TBC1D8: variants seen among roughly 807,000 people sequenced by gnomAD.
The protein encoded by TBC1D8 is BUB2-like protein 1.
TBC1D8 carries 65 observed loss-of-function variants against 118.8 expected under a neutral mutation model. The ratio of observed to expected loss-of-function variants is 0.55; its 90% CI spans 0.45 to 0.67. The LOEUF is 0.67. Ranked by LOEUF, TBC1D8 falls within the 30% of genes least tolerant of loss-of-function variation. The pLI, the probability that TBC1D8 is intolerant of heterozygous loss-of-function variation, is 0.00. For missense variants in TBC1D8, 1,376 were observed against 1,471.2 expected (o/e 0.94, Z 1.06); for synonymous variants, 566 against 595.8 (o/e 0.95, Z 0.73).
chr2:101,055,700 A>G lies in TBC1D8; in HGVS notation c.403-1364T>C, dbSNP rs571703559. Among the ~76,000 whole-genome samples, 4 of 152,324 alleles carry G rather than the reference A, an allele frequency of 2.6e-5. No homozygotes were observed. The South Asian group carries it at 8.3e-4, about 32-fold the overall frequency. On this transcript the variant is annotated intron_variant, in intron 3 of 19. Transcript: ENST00000409318. ...TCCTAATTGACAACTCATTGCTAAC[A>G]TCAGAAATCTGATTTCCCATCCCTG...
At chr2:101,036,218 C>A (rs1428292352) in intron 8 of TBC1D8, 50 bp from the exon 9 acceptor site, 1 of 1,589,598 alleles carries the variant, frequency 6.3e-7, no homozygotes, top group Admixed American at 1.7e-5. Flanking sequence ...CCTCACCACC[C>A]CCCACCCACC....
chr2:101,035,351 C>G (rs998655915), intron 9 of TBC1D8, among the ~76,000 whole-genome samples: 2 of 152,138 alleles, frequency 1.3e-5, no homozygotes, highest in African/African-American at 4.8e-5. Context: ...TATGGAGGGA[C>G]AGACAAATGC....
chr2:101,033,780 TC>T (rs765765084), intron 9 of TBC1D8, 22 bp from the exon 10 acceptor site: 19 of 1,604,992 alleles, frequency 1.2e-5, no homozygotes, highest in Non-Finnish European at 1.6e-5. Context: ...AAGCAATGTT[TC>T]AAGGGGGAAT....
intron 8 of TBC1D8, among the ~76,000 whole-genome samples, chr2:101,036,457 T>C (rs1681018865): frequency 6.8e-6 from 1 of 147,884 alleles, no homozygotes; most frequent in African/African-American, 2.5e-5. Flanking sequence ...AACAAGGGTA[T>C]GTGAATCCAA....
chr2:101,008,222 G>C lies in TBC1D8; in HGVS notation c.3067C>G (p.Pro1023Ala), dbSNP rs747507427. 3.7e-6 allele frequency: 6 copies of C among 1,601,006 alleles called. No individual in the cohort carries two copies. In the South Asian group the frequency reaches 5.6e-5, roughly 15 times the overall value. The change falls in exon 20 of 20, where the codon CCA (proline) becomes GCA (alanine). Residue 1023 changes from proline (P) to alanine (A), a missense_variant. By Grantham distance (27) the Pro-to-Ala change is conservative. Coordinates refer to ENST00000409318, the MANE Select transcript of TBC1D8 (RefSeq NM_001330348.2). The stretch of plus-strand genomic sequence containing the variant: ...GCTTGATACAAATCATTTTCTTCTG[G>C]ATCTTCATGGAACATACTGTACAGA... ...KTLYSMFHED[P>A]EENDLYQAIA...
chr2:101,012,979 A>G (rs1558617899), intron 17 of TBC1D8, among the ~76,000 whole-genome samples: 1 of 152,248 alleles, frequency 6.6e-6, no homozygotes, highest in Non-Finnish European at 1.5e-5. Context: ...TGGGGCAGTC[A>G]GGATGGAAAT....
At chr2:101,017,414 TAG>T (rs1222988695) in intron 17 of TBC1D8, among the ~76,000 whole-genome samples, 1 of 152,192 alleles carries the variant, frequency 6.6e-6, no homozygotes, top group Non-Finnish European at 1.5e-5. Context: ...ACAACGGCAA[TAG>T]AGTTGTTTAC....
intron 1 of TBC1D8, among the ~76,000 whole-genome samples, chr2:101,135,581 C>T (rs984358320): frequency 1.3e-5 from 2 of 152,232 alleles, no homozygotes; most frequent in African/African-American, 2.4e-5. Flanking sequence ...GTGAATACAT[C>T]ACATTCAGCG....
intron 19 of TBC1D8, among the ~76,000 whole-genome samples, chr2:101,009,922 T>C (rs12612720): frequency 0.98 from 147,267 of 150,192 alleles, 72,220 homozygotes; most frequent in East Asian, 1. Flanking sequence ...CCCGGGTTCA[T>C]GCCATTCTCC....
chr2:101,047,581 C>A (rs1681790533), intron 5 of TBC1D8, among the ~76,000 whole-genome samples: 1 of 152,152 alleles, frequency 6.6e-6, no homozygotes, highest in Non-Finnish European at 1.5e-5. Context: ...TGAGAACTGG[C>A]CAGGAATTGG....
intron 1 of TBC1D8, among the ~76,000 whole-genome samples, chr2:101,095,395 C>T (rs1401613169): frequency 2.3e-5 from 3 of 132,406 alleles, no homozygotes; most frequent in Non-Finnish European, 4.9e-5. Flanking sequence ...ATGCTATCTC[C>T]CCCCCCCTCC....
chr2:101,090,796 GCA>G (rs1212748104), intron 1 of TBC1D8, among the ~76,000 whole-genome samples: 5 of 152,176 alleles, frequency 3.3e-5, no homozygotes, highest in Admixed American at 3.3e-4. Context: ...AATAAAATAA[GCA>G]CAGTCTACCT....
At chr2:101,064,440 T>G (rs568157271) in intron 2 of TBC1D8, among the ~76,000 whole-genome samples, 2 of 152,174 alleles carry the variant, frequency 1.3e-5, no homozygotes, top group African/African-American at 4.8e-5. Context: ...GGAGGTGAGG[T>G]AGAGGTGGGG....
chr2:101,117,069 TGATGACTGA>T (rs553919602), intron 1 of TBC1D8, among the ~76,000 whole-genome samples: 72 of 152,126 alleles, frequency 4.7e-4, no homozygotes, highest in Non-Finnish European at 1.2e-4. Flanking sequence ...GAGCACTGTG[TGATGACTGA>T]GGCAGGGATT....
chr2:101,106,506 A>G (rs1395143563), intron 1 of TBC1D8, among the ~76,000 whole-genome samples: 2 of 152,224 alleles, frequency 1.3e-5, no homozygotes, highest in East Asian at 3.8e-4. Flanking sequence ...AATTTTGGAA[A>G]TAAGTGGAGT....
Position 101,038,584 on chromosome 2 carries a change from C to T in TBC1D8, c.1152G>A (p.Lys384=). ...PHPIIVSIRS[K]VAFQFIELRD... ...GGAGCTCAATGAACTGGAAGGCCACCTTGCTTCTGATACTGACAATGATGG... is the reference window on the plus strand; with the variant it reads ...GGAGCTCAATGAACTGGAAGGCCACTTTGCTTCTGATACTGACAATGATGG... Residue 384 remains lysine (K), a synonymous_variant, in exon 7 of 20, where the codon AAG becomes AAA. Transcript: ENST00000409318. 1 of 1,613,952 alleles carries T rather than the reference C, an allele frequency of 6.2e-7. No homozygotes were observed. The highest frequency in any genetic ancestry group is 8.5e-7 in the Non-Finnish European group (1 of 1,179,900).
At chr2:101,123,333 C>G (rs1190904568) in intron 1 of TBC1D8, among the ~76,000 whole-genome samples, 1 of 152,170 alleles carries the variant, frequency 6.6e-6, no homozygotes, top group Non-Finnish European at 1.5e-5. Context: ...TTATTTCTTT[C>G]TCTTGCCCGA....
chr2:101,012,353 T>C (rs1423301177), intron 17 of TBC1D8, among the ~76,000 whole-genome samples: 8 of 152,206 alleles, frequency 5.3e-5, no homozygotes, highest in Non-Finnish European at 1.2e-4. Context: ...TGCAATGGAA[T>C]ATTTGGCCAT....
intron 2 of TBC1D8, among the ~76,000 whole-genome samples, chr2:101,076,708 T>G (rs1295600575): frequency 1.3e-5 from 2 of 152,322 alleles, no homozygotes; most frequent in Admixed American, 6.5e-5. Context: ...GCAAAAATTA[T>G]AACTGAGAAA....
Sources: gnomAD v4.1 joint callset for allele counts (sites outside exome capture counted in the v4.1 genomes callset) on GRCh38, gnomAD v4.1.1 for gene constraint, MANE v1.5 for transcripts, NCBI Gene and HGNC (gene_info 2026-07-23, HGNC 2026-07-21) for gene names.